Variants in SUSD5 observed in about 807,000 individuals in gnomAD.
SUSD5 encodes sushi domain-containing protein 5.
Under a neutral mutation model 29.5 loss-of-function variants are expected in SUSD5, and 33 were observed. The ratio of observed to expected loss-of-function variants is 1.12; its 90% CI spans 0.85 to 1.49. The LOEUF (loss-of-function observed/expected upper bound fraction) is 1.49, where lower values mean the gene tolerates loss of function less well. SUSD5 is among the 40% of genes most tolerant of loss of function. SUSD5 has a pLI of 0.00. For synonymous variants in SUSD5, 308 were observed against 325.3 expected, an observed-to-expected ratio of 0.95 and a Z score of 0.57; for missense variants, 776 against 800.6, an observed-to-expected ratio of 0.97 and a Z score of 0.37.
chr3:33,155,857 G>A (rs1045036156), intron 4 of SUSD5, among the ~76,000 whole-genome samples: 1 of 152,182 alleles, frequency 6.6e-6, no homozygotes, highest in Non-Finnish European at 1.5e-5. Context: ...ACTCAGGATG[G>A]TAGTTACACT....
In SUSD5 at chr3:33,152,788, C is replaced by T. The variant is rs373614068; in HGVS notation, c.1844G>A (p.Arg615Gln). Reference protein sequence around the residue: ...SSVYKLNVGQRQARHYHQQIE... With the variant: ...SSVYKLNVGQQQARHYHQQIE... ...CTGCTGGTGGTAGTGCCGAGCCTGC[C>T]GCTGGCCAACATTCAGCTTGTACAC... Residue 615 changes from arginine (R) to glutamine (Q), a missense_variant, in exon 5 of 5, where the codon CGG (arginine) becomes CAG (glutamine). Arg to Gln is a conservative substitution (Grantham distance 43). Coordinates refer to ENST00000309558, the MANE Select transcript of SUSD5 (RefSeq NM_015551.2). 2.7e-5 allele frequency: 43 copies of T among 1,613,560 alleles called. No homozygotes were observed. In the African/African-American group the frequency reaches 3.3e-4, roughly 13 times the overall value.
At chr3:33,184,060 A>G (rs978643199) in intron 3 of SUSD5, among the ~76,000 whole-genome samples, 3 of 148,474 alleles carry the variant, frequency 2.0e-5, no homozygotes, top group Non-Finnish European at 3.0e-5. Flanking sequence ...GCCTCAGCCT[A>G]CTGAGTAGCT....
chr3:33,211,458 T>G (rs2032322761), intron 2 of SUSD5, among the ~76,000 whole-genome samples: 1 of 152,232 alleles, frequency 6.6e-6, no homozygotes, highest in South Asian at 2.1e-4. Context: ...CAGGGCATAT[T>G]TTGTCTATTC....
intron 3 of SUSD5, among the ~76,000 whole-genome samples, chr3:33,180,199 T>C (rs2031639122): frequency 6.6e-6 from 1 of 152,198 alleles, no homozygotes; most frequent in Non-Finnish European, 1.5e-5. Flanking sequence ...GGCATTGTTA[T>C]AATAGGAGAT....
At chr3:33,177,722 A>C (rs766205366) in intron 3 of SUSD5, among the ~76,000 whole-genome samples, 26 of 152,016 alleles carry the variant, frequency 1.7e-4, no homozygotes, top group Non-Finnish European at 3.5e-4. Context: ...GCTGGTCCAC[A>C]GGAAAGTGAT....
At chr3:33,181,747 C>T (rs55907722) in intron 3 of SUSD5, among the ~76,000 whole-genome samples, 20,158 of 152,112 alleles carry the variant, frequency 0.13, 1,572 homozygotes, top group South Asian at 0.24. Context: ...CAAATACCTA[C>T]CATTGTGTTA....
chr3:33,192,079 AT>A (rs200854031), intron 3 of SUSD5, among the ~76,000 whole-genome samples: 123 of 145,810 alleles, frequency 8.4e-4, no homozygotes, highest in East Asian at 4.0e-3. Context: ...TAATGCGCAT[AT>A]TTTTTTTTTT....
At chr3:33,172,434 C>A (rs1180892484) in intron 4 of SUSD5, among the ~76,000 whole-genome samples, 2 of 152,228 alleles carry the variant, frequency 1.3e-5, no homozygotes, top group Non-Finnish European at 1.5e-5. Flanking sequence ...ACCCATTTGG[C>A]TGTGGGTGTG....
In SUSD5 at chr3:33,153,002, G is replaced by C; in HGVS notation, c.1630C>G (p.Gln544Glu). 1 of 1,613,824 alleles carries C rather than the reference G, an allele frequency of 6.2e-7. No homozygotes were observed. The highest frequency in any genetic ancestry group is 8.5e-7 in the Non-Finnish European group (1 of 1,179,792). The change falls in exon 5 of 5, where the codon CAG (glutamine) becomes GAG (glutamate). Residue 544 changes from glutamine to glutamate, a missense_variant. Physicochemically the swap from Gln to Glu is conservative, Grantham distance 29. Transcript: ENST00000309558. ...PYLLSEDFFGQEGPGPGASEE... is the reference protein window; with the variant it reads ...PYLLSEDFFGEEGPGPGASEE... The stretch of plus-strand genomic sequence containing the variant: ...CTTGCACCTGGCCCGGGGCCTTCCT[G>C]TCCAAAGAAGTCTTCAGACAGCAGG...
intron 3 of SUSD5, among the ~76,000 whole-genome samples, chr3:33,182,921 G>C (rs1196939892): frequency 6.6e-6 from 1 of 151,822 alleles, no homozygotes; most frequent in East Asian, 1.9e-4. Context: ...TGAGTAGCTG[G>C]GACTACAGGT....
intron 3 of SUSD5, among the ~76,000 whole-genome samples, chr3:33,191,499 G>A (rs561671695): frequency 1.3e-5 from 2 of 152,030 alleles, no homozygotes; most frequent in South Asian, 4.2e-4. Context: ...TGAGCCCTCA[G>A]AGCATAGGAA....
rs1346306590 is a variant in SUSD5 at position 33,151,349 on chromosome 3, C to A, written c.*1393G>T. On this transcript the variant is annotated 3_prime_UTR_variant, in exon 5 of 5. Transcript: ENST00000309558. ...ACTGCCATAAACCATCCTCGCTGAGCCACCCTAAGATGATTTAGATGCTAC... is the reference window on the plus strand; with the variant it reads ...ACTGCCATAAACCATCCTCGCTGAGACACCCTAAGATGATTTAGATGCTAC... 6.6e-6 allele frequency: 1 copy of A among 152,186 alleles called. No homozygotes were observed. 9.4% of individuals were successfully genotyped at this position (152,186 alleles called of 1,614,324 possible). A position where few individuals can be genotyped will look rare whatever the true frequency, so the allele number is the denominator to read the frequency against.
chr3:33,170,748 G>C (rs983143109), intron 4 of SUSD5, among the ~76,000 whole-genome samples: 1 of 152,240 alleles, frequency 6.6e-6, no homozygotes, highest in Admixed American at 6.5e-5. Context: ...CCTGCTGGCA[G>C]AGATTAACTT....
intron 3 of SUSD5, among the ~76,000 whole-genome samples, chr3:33,189,687 C>T (rs939403062): frequency 6.6e-6 from 1 of 152,052 alleles, no homozygotes; most frequent in Admixed American, 6.6e-5. Context: ...AAATGCCTTT[C>T]AGTAAGTAAA....
Position 33,153,616 on chromosome 3 carries a change from A to G in SUSD5, c.1016T>C (p.Ile339Thr). 7 of 1,614,048 alleles carry G rather than the reference A, an allele frequency of 4.3e-6. No homozygotes were observed. Among genetic ancestry groups the G allele is most frequent in the Non-Finnish European group, 5.9e-6 (7 of 1,179,900 alleles). ...CGAGGGACCATCAGTGTTGCCGTAGATCACCTTGGTTTCAGGTTCACCTGG... is the reference window on the plus strand; with the variant it reads ...CGAGGGACCATCAGTGTTGCCGTAGGTCACCTTGGTTTCAGGTTCACCTGG... ...LVPGEPETKV[I>T]YGNTDGPSGP... The change falls in exon 5 of 5, where the codon ATC (isoleucine) becomes ACC (threonine). Residue 339 changes from isoleucine to threonine, a missense_variant. By Grantham distance (89) the Ile-to-Thr change is moderately conservative. Coordinates refer to ENST00000309558, the MANE Select transcript of SUSD5 (RefSeq NM_015551.2).
intron 4 of SUSD5, among the ~76,000 whole-genome samples, chr3:33,158,759 C>T (rs554948577): frequency 8.5e-5 from 13 of 152,284 alleles, no homozygotes; most frequent in African/African-American, 2.9e-4. Flanking sequence ...AACCCGGCCC[C>T]CTTTCATGAG....
Position 33,183,924 on chromosome 3 carries a change from T to C in SUSD5, c.410-8850A>G, listed in dbSNP as rs529108346. On this transcript the variant is annotated intron_variant, in intron 3 of 4. Coordinates refer to ENST00000309558, the MANE Select transcript of SUSD5 (RefSeq NM_015551.2). ...CCTCTTAACACTTTAAATATTTTAT[T>C]ACCCTCTTTTTTTTTTTTTTTTTTT... Among the ~76,000 whole-genome samples the C allele has an allele frequency of 2.1e-5, 3 of 142,596 alleles. No homozygotes were observed. The Admixed American group carries it at 2.3e-4, about 11-fold the overall frequency. The allele number at this position is 142,596 out of a possible 152,430, so 93.5% of individuals were successfully genotyped here. A position where few individuals can be genotyped will look rare whatever the true frequency, so the allele number is the denominator to read the frequency against.
intron 3 of SUSD5, among the ~76,000 whole-genome samples, chr3:33,181,736 A>T (rs190602783): frequency 2.4e-4 from 37 of 152,294 alleles, no homozygotes; most frequent in Non-Finnish European, 2.5e-4. Context: ...GTTTAGATAC[A>T]CAAATACCTA....
At chr3:33,160,062 C>T (rs1314415561) in intron 4 of SUSD5, among the ~76,000 whole-genome samples, 1 of 152,170 alleles carries the variant, frequency 6.6e-6, no homozygotes, top group Non-Finnish European at 1.5e-5. Context: ...CAAGACTTCA[C>T]ATTGTGCAAG....
Sources: allele counts gnomAD v4.1 joint callset (sites outside exome capture counted in the v4.1 genomes callset), GRCh38; gene constraint gnomAD v4.1.1; transcripts MANE v1.5; gene names NCBI Gene and HGNC (gene_info 2026-07-23, HGNC 2026-07-21).